PLCG2: variants seen among roughly 807,000 people sequenced by gnomAD.
PLCG2 encodes the protein 1-phosphatidylinositol 4,5-bisphosphate phosphodiesterase gamma-2.
Under a neutral mutation model 175.6 loss-of-function variants are expected in PLCG2, and 69 were observed. The ratio of observed to expected loss-of-function variants is 0.39; its 90% CI spans 0.32 to 0.48. PLCG2 has a LOEUF of 0.48. PLCG2 is among the 20% of genes least tolerant of loss of function. The pLI, the probability that PLCG2 is intolerant of heterozygous loss-of-function variation, is 0.91. For missense variants in PLCG2, 1,798 were observed against 1,650.9 expected, an observed-to-expected ratio of 1.09 and a Z score of -1.54; for synonymous variants, 827 against 624.0, an observed-to-expected ratio of 1.33 and a Z score of -4.85.
intron 6 of PLCG2, among the ~76,000 whole-genome samples, chr16:81,870,303 G>A (rs900796821): frequency 2.0e-5 from 3 of 152,288 alleles, no homozygotes; most frequent in South Asian, 4.1e-4. Flanking sequence ...CATTTTACAG[G>A]TAAAGAAAAC....
chr16:81,954,799 T>G (rs1911501533), intron 31 of PLCG2, among the ~76,000 whole-genome samples: 1 of 152,230 alleles, frequency 6.6e-6, no homozygotes, highest in Admixed American at 6.5e-5. Context: ...GCAGTAAACT[T>G]ACATGTGCGT....
chr16:81,939,630 T>C (rs150535176), intron 29 of PLCG2, among the ~76,000 whole-genome samples: 2 of 152,282 alleles, frequency 1.3e-5, no homozygotes, highest in African/African-American at 4.8e-5. Flanking sequence ...CGTTCCCTTG[T>C]CCCTGATCCT....
At chr16:81,938,422 A>C (rs1910804059) in intron 28 of PLCG2, 1 of 242,262 alleles carries the variant, frequency 4.1e-6, no homozygotes, top group African/African-American at 2.2e-5. Context: ...GCCTTTAAAT[A>C]AACAGCAGTT....
chr16:81,811,352 G>A (rs976680915), intron 2 of PLCG2, among the ~76,000 whole-genome samples: 1 of 152,168 alleles, frequency 6.6e-6, no homozygotes, highest in Non-Finnish European at 1.5e-5. Flanking sequence ...TCATCGATAA[G>A]GGATGGTTTT....
In PLCG2 at chr16:81,891,505, A is replaced by G. The variant is rs1301479472; in HGVS notation, c.901A>G (p.Ile301Val). The change falls in exon 11 of 33, where the codon ATC becomes GTC. Residue 301 changes from isoleucine to valine, a missense_variant. Transcript: ENST00000564138. ...GTACCTGTTTTCACGAGAAAACAGC[A>G]TCTGGGATGAGAAGTATGACGCGGT... ...LTYLFSRENS[I>V]WDEKYDAVDM... The G allele has an allele frequency of 1.2e-6, 2 of 1,610,694 alleles. No individual in the cohort carries two copies. Among genetic ancestry groups the G allele is most frequent in the South Asian group, 2.2e-5 (2 of 91,030 alleles).
chr16:81,750,927 C>G (rs1296249455), intron 1 of PLCG2, among the ~76,000 whole-genome samples: 2 of 149,610 alleles, frequency 1.3e-5, no homozygotes, highest in Non-Finnish European at 3.0e-5. Flanking sequence ...CCCACCTCAG[C>G]CTCCCAAAGT....
At chr16:81,932,139 T>C (rs1017324086) in intron 25 of PLCG2, among the ~76,000 whole-genome samples, 1 of 152,120 alleles carries the variant, frequency 6.6e-6, no homozygotes, top group Admixed American at 6.6e-5. Flanking sequence ...GGGAGTGACC[T>C]TTTCAGGGCT....
intron 2 of PLCG2, among the ~76,000 whole-genome samples, chr16:81,763,467 C>T (rs1193684613): frequency 1.3e-5 from 2 of 152,234 alleles, no homozygotes; most frequent in Admixed American, 1.3e-4. Flanking sequence ...GGTGTCCTCC[C>T]TCTCACGGCC....
At chr16:81,824,409 C>T (rs887091699) in intron 2 of PLCG2, among the ~76,000 whole-genome samples, 1 of 152,308 alleles carries the variant, frequency 6.6e-6, no homozygotes, top group Non-Finnish European at 1.5e-5. Flanking sequence ...GCTGGGATTA[C>T]AAGCGTGAGC....
At chr16:81,755,137 C>G (rs1478681559) in intron 1 of PLCG2, among the ~76,000 whole-genome samples, 1 of 152,152 alleles carries the variant, frequency 6.6e-6, no homozygotes, top group Non-Finnish European at 1.5e-5. Context: ...CCCAGCTGAG[C>G]TGAGAGGTGG....
intron 2 of PLCG2, among the ~76,000 whole-genome samples, chr16:81,758,027 G>A (rs535881268): frequency 2.0e-4 from 30 of 152,336 alleles, no homozygotes; most frequent in African/African-American, 6.5e-4. Flanking sequence ...CCAGGCTGGA[G>A]CGCAGTGGTG....
intron 21 of PLCG2, among the ~76,000 whole-genome samples, chr16:81,923,160 T>C (rs112828651): frequency 4.6e-5 from 7 of 152,250 alleles, no homozygotes; most frequent in African/African-American, 1.7e-4. Context: ...CACTACAATA[T>C]AGGGTCACTC....
intron 1 of PLCG2, among the ~76,000 whole-genome samples, chr16:81,780,355 G>A (rs1383071964): frequency 6.6e-6 from 1 of 152,190 alleles, no homozygotes; most frequent in African/African-American, 2.4e-5. Context: ...CACGAGGTTC[G>A]CTGAGAATCG....
Position 81,800,292 on chromosome 16 carries a change from G to A in PLCG2, c.193+14110G>A, listed in dbSNP as rs570542951. Among the ~76,000 whole-genome samples, 39 of 152,232 alleles carry A rather than the reference G, an allele frequency of 2.6e-4. No individual in the cohort carries two copies. The South Asian group carries it at 7.9e-3, about 31-fold the overall frequency. On this transcript the variant is annotated intron_variant, in intron 2 of 32. Transcript: ENST00000564138. Reference sequence around the variant, plus strand: ...TAAGCGTTTGCCATCGTGGCTTGCTGCACCTATCAGCTCATCACCTAGATA... The same window carrying A: ...TAAGCGTTTGCCATCGTGGCTTGCTACACCTATCAGCTCATCACCTAGATA...
chr16:81,934,524 C>T lies in PLCG2; in HGVS notation c.2835C>T (p.Asp945=). ...GCAAACCAACCAGCAAAACCAAGGACAACTTAGGTAACATCTTTCCCAAGA... is the reference window on the plus strand; with the variant it reads ...GCAAACCAACCAGCAAAACCAAGGATAACTTAGGTAACATCTTTCCCAAGA... ...VYCKPTSKTK[D]NLENPDFREI... The change falls in exon 26 of 33, where the codon GAC becomes GAT. Residue 945 remains aspartate, a synonymous_variant. Transcript: ENST00000564138. 3 of 1,597,128 alleles carry T rather than the reference C, an allele frequency of 1.9e-6. No individual in the cohort carries two copies. The highest frequency in any genetic ancestry group is 2.6e-6 in the Non-Finnish European group (3 of 1,164,694).
At position 81,938,878 on chromosome 16, in the gene PLCG2, C is replaced by T. The variant is rs774158419; in HGVS notation, c.3276C>T (p.Ala1092=). The part of the protein sequence containing the change: ...CPFVEVEICG[A]EYDNNKFKTT... Reference sequence around the variant, plus strand: ...TTGTAGAAGTGGAGATCTGTGGAGCCGAGTATGACAACAACAAGTTCAAGA... The same window carrying T: ...TTGTAGAAGTGGAGATCTGTGGAGCTGAGTATGACAACAACAAGTTCAAGA... Residue 1092 remains alanine, a synonymous_variant, in exon 29 of 33, where the codon GCC becomes GCT. Transcript: ENST00000564138. The T allele has an allele frequency of 9.9e-6, 16 of 1,612,822 alleles. No homozygotes were observed. Among genetic ancestry groups the T allele is most frequent in the Admixed American group, 1.7e-5 (1 of 59,956 alleles).
intron 3 of PLCG2, among the ~76,000 whole-genome samples, chr16:81,855,002 G>C (rs376732190): frequency 2.6e-5 from 4 of 152,048 alleles, no homozygotes; most frequent in East Asian, 1.9e-4. Context: ...TTGAGGTCAG[G>C]AGTTTGAGAC....
chr16:81,912,077 G>A (rs1269859302), intron 18 of PLCG2, among the ~76,000 whole-genome samples: 4 of 152,148 alleles, frequency 2.6e-5, no homozygotes, highest in South Asian at 2.1e-4. Flanking sequence ...GATTACAGGC[G>A]TGAGCCACCA....
At chr16:81,839,222 A>G (rs1163352059) in intron 2 of PLCG2, among the ~76,000 whole-genome samples, 2 of 152,232 alleles carry the variant, frequency 1.3e-5, no homozygotes, top group African/African-American at 4.8e-5. Context: ...AAAGAAAACT[A>G]TCACATAAAT....
Sources: gnomAD v4.1 joint callset for allele counts (sites outside exome capture counted in the v4.1 genomes callset) on GRCh38, gnomAD v4.1.1 for gene constraint, MANE v1.5 for transcripts, NCBI Gene and HGNC (gene_info 2026-07-23, HGNC 2026-07-21) for gene names.